The following DYNC1H1 variants were observed in gnomAD, a reference collection of about 807,000 sequenced individuals.
DYNC1H1 encodes the protein dynein cytoplasmic 1 heavy chain 1, also known as cytoplasmic dynein 1 heavy chain 1.
DYNC1H1 carries 51 observed loss-of-function variants against 527.1 expected under a neutral mutation model. That is an observed-to-expected ratio of 0.10 (90% confidence interval 0.08 to 0.12). The LOEUF is 0.12. Ranked by LOEUF, DYNC1H1 falls within the 10% of genes least tolerant of loss-of-function variation. DYNC1H1 has a pLI of 1.00. For synonymous variants in DYNC1H1, 2,189 were observed against 2,278.8 expected (o/e 0.96, Z 1.12); for missense variants, 2,771 against 5,971.8 (o/e 0.46, Z 17.66).
At chr14:102,040,171 T>G in intron 62 of DYNC1H1, 65 bp from the exon 63 acceptor site, 1 of 1,597,750 alleles carries the variant, frequency 6.3e-7, no homozygotes, top group Non-Finnish European at 8.6e-7. Flanking sequence ...AAATCACAGC[T>G]GTTATCTTAG....
Position 102,012,140 on chromosome 14 carries a change from G to T in DYNC1H1, c.6857+27G>T, listed in dbSNP as rs762368973. ...TACGTCTTCTTTGATCTGTGTTTGTGTTCTCCTGGATATGGGCGCTAAGTA... is the reference window on the plus strand; with the variant it reads ...TACGTCTTCTTTGATCTGTGTTTGTTTTCTCCTGGATATGGGCGCTAAGTA... On this transcript the variant is annotated intron_variant, in intron 33 of 77. Transcript: ENST00000360184. The surrounding 1 kb of genome is among the most constrained non-coding windows in gnomAD (Gnocchi z 4.9). The T allele has an allele frequency of 4.3e-6, 7 of 1,613,662 alleles. No homozygotes were observed. The South Asian group carries it at 5.5e-5, about 13-fold the overall frequency.
chr14:101,983,001 C>CT lies in DYNC1H1; in HGVS notation c.962-15dup, dbSNP rs3830914. The CT allele has an allele frequency of 0.13, 216,424 of 1,613,312 alleles. 17,799 individuals carry two copies. Among genetic ancestry groups the CT allele is most frequent in the African/African-American group, 0.36 (27,128 of 74,902 alleles). ...TTACTTTATGTGAAAACCATTAACT[C>CT]TTTCTCTGTTAATATAGGTCTAAAA... On this transcript the variant is annotated splice_polypyrimidine_tract_variant and intron_variant, in intron 5 of 77. Transcript: ENST00000360184. The surrounding 1 kb of genome is among the most constrained non-coding windows in gnomAD (Gnocchi z 5.3).
In DYNC1H1 at chr14:102,002,403, AC is replaced by A. The variant is rs2048142401; in HGVS notation, c.4543-131del. The A allele has an allele frequency of 2.4e-6, 3 of 1,251,416 alleles. No individual in the cohort carries two copies. In the South Asian group the frequency reaches 3.7e-5, roughly 15 times the overall value. The allele number at this position is 1,251,416 out of a possible 1,614,324, so 77.5% of individuals were successfully genotyped here. A position where few individuals can be genotyped will look rare whatever the true frequency, so the allele number is the denominator to read the frequency against. ...TGGGATTACAGGCGTGAGCCACCAC[AC>A]CCGTCTACTTGTTGTTTAAAATGTG... On this transcript the variant is annotated intron_variant, in intron 21 of 77. Coordinates refer to ENST00000360184, the MANE Select transcript of DYNC1H1 (RefSeq NM_001376.5). This position sits in a 1 kb window ranked among gnomAD's most constrained non-coding sequence, Gnocchi z 4.4.
chr14:102,030,077 T>TGTGTG, intron 50 of DYNC1H1, 85 bp from the exon 51 acceptor site: 16 of 1,579,202 alleles, frequency 1.0e-5, no homozygotes, highest in African/African-American at 5.5e-5. Context: ...TGTGTGTGTG[T>TGTGTG]TGGCAGAGTG....
intron 10 of DYNC1H1, among the ~76,000 whole-genome samples, chr14:101,990,025 G>A (rs571217795): frequency 1.6e-4 from 24 of 152,276 alleles, no homozygotes; most frequent in African/African-American, 4.1e-4. Flanking sequence ...GGGAGCAATC[G>A]GCCATGCCAC....
intron 43 of DYNC1H1, among the ~76,000 whole-genome samples, chr14:102,026,297 T>G (rs2048450106): frequency 6.6e-6 from 1 of 152,220 alleles, no homozygotes; most frequent in African/African-American, 2.4e-5. Context: ...GGCATTTTTA[T>G]AGTAGAGTGT....
In DYNC1H1 at chr14:102,041,772, C is replaced by T. The variant is rs750003042; in HGVS notation, c.12102+38C>T. 3.1e-6 allele frequency: 5 copies of T among 1,613,010 alleles called. No homozygotes were observed. The African/African-American group carries it at 5.3e-5, about 17-fold the overall frequency. On this transcript the variant is annotated intron_variant, in intron 65 of 77. Transcript: ENST00000360184. The surrounding 1 kb of genome is among the most constrained non-coding windows in gnomAD (Gnocchi z 4.5). ...TACAGCCCGGGCTTCCCACGAGACTCCATGCCCACCTCCCCAGCCACAGGT... is the reference window on the plus strand; with the variant it reads ...TACAGCCCGGGCTTCCCACGAGACTTCATGCCCACCTCCCCAGCCACAGGT...
chr14:102,039,283 C>A lies in DYNC1H1; in HGVS notation c.11460+29C>A. Reference sequence around the variant, plus strand: ...GGTGCCTTGGCCATGCAGAGACTGGCGGGCCCCGCACAGTAGCTCCTTGGC... The same window carrying A: ...GGTGCCTTGGCCATGCAGAGACTGGAGGGCCCCGCACAGTAGCTCCTTGGC... On this transcript the variant is annotated intron_variant, in intron 60 of 77. Coordinates refer to ENST00000360184, the MANE Select transcript of DYNC1H1 (RefSeq NM_001376.5). This position sits in a 1 kb window ranked among gnomAD's most constrained non-coding sequence, Gnocchi z 7.0. 1 of 1,611,792 alleles carries A rather than the reference C, an allele frequency of 6.2e-7. No individual in the cohort carries two copies. Among genetic ancestry groups the A allele is most frequent in the Non-Finnish European group, 8.5e-7 (1 of 1,180,002 alleles).
intron 11 of DYNC1H1, 73 bp downstream of exon 11, chr14:101,991,746 T>C: frequency 5.0e-6 from 8 of 1,590,506 alleles, no homozygotes; most frequent in Non-Finnish European, 5.2e-6. Flanking sequence ...CACTTCTTCA[T>C]GGTGCTTCTT....
In DYNC1H1 at chr14:101,965,092, C is replaced by G. The variant is rs1290442123; in HGVS notation, c.256+145C>G. 1.1e-6 allele frequency: 1 copy of G among 883,750 alleles called. No homozygotes were observed. The highest frequency in any genetic ancestry group is 3.8e-5 in the Admixed American group (1 of 26,086). 54.7% of individuals were successfully genotyped at this position (883,750 alleles called of 1,614,324 possible). On this transcript the variant is annotated intron_variant, in intron 1 of 77. Coordinates refer to ENST00000360184, the MANE Select transcript of DYNC1H1 (RefSeq NM_001376.5). This position sits in a 1 kb window ranked among gnomAD's most constrained non-coding sequence, Gnocchi z 4.1. ...CCCTGGATGGGCAGAGCCCGGCGGC[C>G]GCAGACGTCCCGCCGGCCGGGTCCC...
In DYNC1H1 at chr14:102,034,450, T is replaced by A. The variant is rs181445947; in HGVS notation, c.10752T>A (p.Asn3584Lys). Residue 3584 changes from asparagine (N) to lysine (K), a missense_variant and splice_region_variant, in exon 56 of 78, where the codon AAT (asparagine) becomes AAA (lysine). This residue lies in a region of DYNC1H1 where 283 missense variants were observed against 737.6 expected (regional missense o/e 0.38). Coordinates refer to ENST00000360184, the MANE Select transcript of DYNC1H1 (RefSeq NM_001376.5). Reference sequence around the variant, plus strand: ...ATGCCATCATGCTGAAACGATTCAATAGGTATGAGCTCGGGTGCCAAGGAG... The same window carrying A: ...ATGCCATCATGCTGAAACGATTCAAAAGGTATGAGCTCGGGTGCCAAGGAG... Reference protein sequence around the residue: ...TENAIMLKRFNRYPLIIDPSG... With the variant: ...TENAIMLKRFKRYPLIIDPSG... 1 of 1,612,512 alleles carries A rather than the reference T, an allele frequency of 6.2e-7. No individual in the cohort carries two copies. Among genetic ancestry groups the A allele is most frequent in the Non-Finnish European group, 8.5e-7 (1 of 1,180,026 alleles).
Position 102,005,339 on chromosome 14 carries a change from A to T in DYNC1H1, c.5433+103A>T. ...TTGAAAAAGGTTTCAGGTAGTATCA[A>T]GGAGAACAGTGGATGGTGTATGGAT... On this transcript the variant is annotated intron_variant, in intron 26 of 77. Coordinates refer to ENST00000360184, the MANE Select transcript of DYNC1H1 (RefSeq NM_001376.5). The surrounding 1 kb of genome is among the most constrained non-coding windows in gnomAD (Gnocchi z 4.0). 6.8e-7 allele frequency: 1 copy of T among 1,472,014 alleles called. No homozygotes were observed. The highest frequency in any genetic ancestry group is 9.4e-7 in the Non-Finnish European group (1 of 1,060,804). 91.2% of individuals were successfully genotyped at this position (1,472,014 alleles called of 1,614,324 possible).
At chr14:102,008,877 C>A (rs927141260) in intron 29 of DYNC1H1, among the ~76,000 whole-genome samples, 1 of 152,206 alleles carries the variant, frequency 6.6e-6, no homozygotes, top group Non-Finnish European at 1.5e-5. Flanking sequence ...CCTAGGACAA[C>A]CAAAAACCTG....
intron 51 of DYNC1H1, 131 bp from the exon 52 acceptor site, chr14:102,032,141 G>A (rs2048516676): frequency 9.3e-7 from 1 of 1,080,344 alleles, no homozygotes; most frequent in Non-Finnish European, 1.4e-6. Flanking sequence ...TCATTTCTTA[G>A]CTCTTCTAAG....
intron 56 of DYNC1H1, chr14:102,034,819 A>C (rs1266980927): frequency 5.7e-6 from 2 of 353,572 alleles, no homozygotes; most frequent in African/African-American, 4.3e-5. Context: ...CCAGTTACTC[A>C]GGAGGCTGAG....
chr14:101,995,735 A>C (rs1302829645), intron 15 of DYNC1H1, among the ~76,000 whole-genome samples: 1 of 151,960 alleles, frequency 6.6e-6, no homozygotes, highest in Non-Finnish European at 1.5e-5. Context: ...CCCACAGATC[A>C]TCTCTGTTAC....
At chr14:101,975,942 T>A (rs2047795051) in intron 2 of DYNC1H1, 143 bp downstream of exon 2, 3 of 679,436 alleles carry the variant, frequency 4.4e-6, no homozygotes, top group African/African-American at 1.8e-5. Flanking sequence ...AGTTTCGCTC[T>A]TGTTGCCCAG....
At position 102,006,029 on chromosome 14, in the gene DYNC1H1, A is replaced by G. The variant is rs2048193047; in HGVS notation, c.5575A>G (p.Ile1859Val). ...AACTGATGTGTTACAGCAGTTGTCAATTCAAATGGCAAATGCCAAATTTAA... is the reference window on the plus strand; with the variant it reads ...AACTGATGTGTTACAGCAGTTGTCAGTTCAAATGGCAAATGCCAAATTTAA... Reference protein sequence around the residue: ...KQTDVLQQLSIQMANAKFNYG... With the variant: ...KQTDVLQQLSVQMANAKFNYG... Residue 1859 changes from isoleucine (I) to valine (V), a missense_variant, in exon 27 of 78, where the codon ATT becomes GTT. By Grantham distance (29) the Ile-to-Val change is conservative. Around this residue, in one of 32 missense-constraint regions of DYNC1H1, gnomAD observed 64 missense variants for 143.4 expected, o/e 0.45. Transcript: ENST00000360184. 5 of 1,614,226 alleles carry G rather than the reference A, an allele frequency of 3.1e-6. No homozygotes were observed. The highest frequency in any genetic ancestry group is 2.5e-6 in the Non-Finnish European group (3 of 1,180,026).
intron 16 of DYNC1H1, 51 bp from the exon 17 acceptor site, chr14:101,999,938 A>G (rs750807702): frequency 1.2e-6 from 2 of 1,613,420 alleles, no homozygotes; most frequent in South Asian, 2.2e-5. Context: ...CTAAATGCTC[A>G]TCTCTCCTGA....
Sources: allele counts gnomAD v4.1 joint callset (sites outside exome capture counted in the v4.1 genomes callset), GRCh38; gene constraint gnomAD v4.1.1; regional missense constraint gnomAD v4.1.1; non-coding constraint Gnocchi (gnomAD v3.1); transcripts MANE v1.5; gene names NCBI Gene and HGNC (gene_info 2026-07-23, HGNC 2026-07-21).